Variants in CRPPA observed in about 807,000 individuals in gnomAD.
CRPPA encodes the protein D-ribitol-5-phosphate cytidylyltransferase.
CRPPA carries 43 observed loss-of-function variants against 52.0 expected under a neutral mutation model. That is an observed-to-expected ratio of 0.83 (90% CI 0.65 to 1.07). The LOEUF is 1.07. CRPPA is among the 50% of genes least tolerant of loss of function. CRPPA has a pLI of 0.00. For missense variants in CRPPA, 629 were observed against 551.7 expected (o/e 1.14, Z -1.40); for synonymous variants, 250 against 203.5 (o/e 1.23, Z -1.94).
intron 8 of CRPPA, among the ~76,000 whole-genome samples, chr7:16,226,796 A>G (rs1320753525): frequency 6.6e-6 from 1 of 151,876 alleles, no homozygotes; most frequent in South Asian, 2.1e-4. Context: ...ATGGCCTCAT[A>G]GTTATCAGTT....
At chr7:16,259,323 G>A (rs1783731265) in intron 6 of CRPPA, among the ~76,000 whole-genome samples, 1 of 151,948 alleles carries the variant, frequency 6.6e-6, no homozygotes, top group Admixed American at 6.6e-5. Context: ...AAATATTGAA[G>A]AGCATGTTGA....
intron 3 of CRPPA, among the ~76,000 whole-genome samples, chr7:16,338,005 G>C (rs1785730628): frequency 6.6e-6 from 1 of 151,940 alleles, no homozygotes; most frequent in Non-Finnish European, 1.5e-5. Flanking sequence ...ACAAAGCTAG[G>C]ATTACCCTGA....
At chr7:16,345,644 T>A (rs1019332366) in intron 3 of CRPPA, among the ~76,000 whole-genome samples, 1 of 152,156 alleles carries the variant, frequency 6.6e-6, no homozygotes, top group African/African-American at 2.4e-5. Flanking sequence ...AATGAACTTT[T>A]ATGCTAAAAA....
In CRPPA at chr7:16,205,540, A is replaced by G. The variant is rs146428194; in HGVS notation, c.1251+10526T>C. Among the ~76,000 whole-genome samples, 566 of 152,318 alleles carry G rather than the reference A, an allele frequency of 3.7e-3. 4 individuals are homozygous for G. The highest frequency in any genetic ancestry group is 0.013 in the African/African-American group (525 of 41,574). On this transcript the variant is annotated intron_variant, in intron 9 of 9. Transcript: ENST00000407010. ...ATTATTAAAATTGCTACCAAAGTTCAGAAAGATTTGCCACTGAATGTTTTA... is the reference window on the plus strand; with the variant it reads ...ATTATTAAAATTGCTACCAAAGTTCGGAAAGATTTGCCACTGAATGTTTTA...
chr7:16,092,773 G>A (rs1781861548), intron 9 of CRPPA, among the ~76,000 whole-genome samples: 1 of 152,186 alleles, frequency 6.6e-6, no homozygotes, highest in Non-Finnish European at 1.5e-5. Flanking sequence ...TCAGGATAAA[G>A]TCTGATCCCA....
chr7:16,120,396 G>C (rs1307402553), intron 9 of CRPPA, among the ~76,000 whole-genome samples: 3 of 152,052 alleles, frequency 2.0e-5, no homozygotes, highest in Non-Finnish European at 4.4e-5. Flanking sequence ...AGTTTAACCA[G>C]AATCACCCCT....
chr7:16,273,478 G>A (rs976967925), intron 6 of CRPPA, among the ~76,000 whole-genome samples: 3 of 151,888 alleles, frequency 2.0e-5, no homozygotes, highest in Non-Finnish European at 4.4e-5. Context: ...CGGCTTGACG[G>A]TAGGACCACA....
intron 2 of CRPPA, 141 bp downstream of exon 2, chr7:16,405,920 C>A (rs926374260): frequency 1.3e-6 from 1 of 771,756 alleles, no homozygotes; most frequent in East Asian, 2.7e-5. Flanking sequence ...AAAGTTACTA[C>A]AACAAATCAC....
intron 9 of CRPPA, among the ~76,000 whole-genome samples, chr7:16,197,506 A>AT (rs931951843): frequency 0.018 from 2,615 of 142,260 alleles, 65 homozygotes; most frequent in African/African-American, 0.063. Flanking sequence ...CTTGCGCAGC[A>AT]TTTTTTTTTT....
chr7:16,172,989 C>T (rs1289945816), intron 9 of CRPPA, among the ~76,000 whole-genome samples: 1 of 152,204 alleles, frequency 6.6e-6, no homozygotes, highest in Non-Finnish European at 1.5e-5. Context: ...ATAGTTTTAT[C>T]ACTACAATTT....
At chr7:16,373,571 A>G (rs747125326) in intron 3 of CRPPA, among the ~76,000 whole-genome samples, 13 of 152,200 alleles carry the variant, frequency 8.5e-5, no homozygotes, top group Non-Finnish European at 1.5e-4. Context: ...TGTAAGTCTG[A>G]TGCTGGGGAG....
chr7:16,379,790 T>G (rs1787023793), intron 2 of CRPPA, among the ~76,000 whole-genome samples: 1 of 152,210 alleles, frequency 6.6e-6, no homozygotes, highest in African/African-American at 2.4e-5. Flanking sequence ...GCTCTCTGTT[T>G]GTCTGTTATT....
At chr7:16,186,789 G>A (rs1318297741) in intron 9 of CRPPA, among the ~76,000 whole-genome samples, 2 of 144,570 alleles carry the variant, frequency 1.4e-5, no homozygotes, top group African/African-American at 2.5e-5. Context: ...AATATACACA[G>A]AGGATATAGC....
At chr7:16,216,465 G>T (rs536079133) in intron 8 of CRPPA, 1 of 312,960 alleles carries the variant, frequency 3.2e-6, no homozygotes, top group Admixed American at 4.8e-5. Flanking sequence ...GAACAGCTCC[G>T]GTCTACAGCT....
Position 16,370,191 on chromosome 7 carries a change from T to C in CRPPA, c.684+5901A>G, listed in dbSNP as rs145294703. Among the ~76,000 whole-genome samples the C allele has an allele frequency of 1.8e-3, 275 of 152,282 alleles. 4 individuals carry two copies. Among genetic ancestry groups the C allele is most frequent in the Middle Eastern group, 6.8e-3 (2 of 294 alleles). ...AAGCTCACAACTGAATTCTGTGATA[T>C]AATCTCAAGTGGGGATAAACTCCCT... On this transcript the variant is annotated intron_variant, in intron 3 of 9. Coordinates refer to ENST00000407010, the MANE Select transcript of CRPPA (RefSeq NM_001101426.4).
chr7:16,145,242 C>T (rs923372412), intron 9 of CRPPA, among the ~76,000 whole-genome samples: 9 of 152,182 alleles, frequency 5.9e-5, no homozygotes, highest in African/African-American at 2.2e-4. Context: ...AATCTGTGCC[C>T]CTAGTAATAG....
At chr7:16,121,241 T>C (rs1033911357) in intron 9 of CRPPA, among the ~76,000 whole-genome samples, 1 of 152,048 alleles carries the variant, frequency 6.6e-6, no homozygotes, top group Non-Finnish European at 1.5e-5. Flanking sequence ...GAAGTTTAGA[T>C]TTATTTGTTA....
intron 6 of CRPPA, chr7:16,269,391 C>T (rs1489788208): frequency 1.3e-5 from 2 of 151,944 alleles, no homozygotes; most frequent in Non-Finnish European, 2.9e-5. Context: ...GCATGCAATC[C>T]AGTAGAATAG....
At position 16,284,256 on chromosome 7, in the gene CRPPA, T is replaced by C. The variant is rs149431515; in HGVS notation, c.836-6030A>G. 6.6e-3 allele frequency among the ~76,000 whole-genome samples: 1,003 copies of C among 152,190 alleles called. 12 individuals carry two copies. The highest frequency in any genetic ancestry group is 0.023 in the African/African-American group (956 of 41,568). ...GTGAATTTTCCAACTAGTACAATGA[T>C]TTTAAGATTCATCCCTCAGTATAAT... On this transcript the variant is annotated intron_variant, in intron 5 of 9. Coordinates refer to ENST00000407010, the MANE Select transcript of CRPPA (RefSeq NM_001101426.4).
Sources: allele counts gnomAD v4.1 joint callset (sites outside exome capture counted in the v4.1 genomes callset), GRCh38; gene constraint gnomAD v4.1.1; transcripts MANE v1.5; gene names NCBI Gene and HGNC (gene_info 2026-07-23, HGNC 2026-07-21).